Variants in PALS2 observed in about 807,000 individuals in gnomAD.
PALS2 encodes protein PALS2.
A neutral mutation model predicts 61.6 loss-of-function variants in PALS2; 27 were observed. The observed-to-expected ratio is 0.44, with a 90% confidence interval of 0.32 to 0.60. The LOEUF (loss-of-function observed/expected upper bound fraction) is 0.60, where lower values mean the gene tolerates loss of function less well. Among genes scored for constraint, PALS2 ranks in the 20% least tolerant of loss-of-function variants. The probability of loss-of-function intolerance (pLI) is 0.05; values close to 1 mark genes in which losing one functional copy is unlikely to be tolerated. For missense variants in PALS2, 554 were observed against 639.4 expected, an observed-to-expected ratio of 0.87 and a Z score of 1.44; for synonymous variants, 236 against 218.6, an observed-to-expected ratio of 1.08 and a Z score of -0.70.
chr7:24,655,968 T>C (rs530722929), intron 5 of PALS2, among the ~76,000 whole-genome samples: 4 of 152,196 alleles, frequency 2.6e-5, no homozygotes, highest in African/African-American at 4.8e-5. Context: ...CTTGCTGTTA[T>C]CAAAAATGTG....
rs1313368117 is a variant in PALS2 at position 24,596,525 on chromosome 7, A to G, written c.-3+22932A>G. Reference sequence around the variant, plus strand: ...TATTTCACATTTATGAATGTTTATTAGGTGTGTAAAACATTTTCAAACAAT... The same window carrying G: ...TATTTCACATTTATGAATGTTTATTGGGTGTGTAAAACATTTTCAAACAAT... On this transcript the variant is annotated intron_variant, in intron 1 of 11. Coordinates refer to ENST00000222644, the MANE Select transcript of PALS2 (RefSeq NM_001303037.2). The surrounding 1 kb of genome is among the most constrained non-coding windows in gnomAD (Gnocchi z 4.5). Among the ~76,000 whole-genome samples, 2 of 152,204 alleles carry G rather than the reference A, an allele frequency of 1.3e-5. No individual in the cohort carries two copies. The highest frequency in any genetic ancestry group is 6.6e-5 in the Admixed American group (1 of 15,254).
intron 1 of PALS2, chr7:24,597,279 ATGAAAACC>A (rs937334322): frequency 6.6e-5 from 10 of 152,196 alleles, no homozygotes; most frequent in African/African-American, 2.4e-4. Context: ...CAAGAAAAGA[ATGAAAACC>A]TGAGAGATAG....
At chr7:24,650,050 A>G (rs1786059770) in intron 4 of PALS2, among the ~76,000 whole-genome samples, 1 of 152,154 alleles carries the variant, frequency 6.6e-6, no homozygotes, top group South Asian at 2.1e-4. Context: ...GAAGACATGA[A>G]CTACCCTTTG....
At chr7:24,627,559 A>G (rs888111415) in intron 2 of PALS2, among the ~76,000 whole-genome samples, 3 of 152,034 alleles carry the variant, frequency 2.0e-5, no homozygotes, top group Admixed American at 6.6e-5. Flanking sequence ...CTTCAAAAAA[A>G]CAATCATTGA....
intron 3 of PALS2, among the ~76,000 whole-genome samples, chr7:24,649,278 C>T (rs1436980575): frequency 6.6e-6 from 1 of 151,972 alleles, no homozygotes; most frequent in Non-Finnish European, 1.5e-5. Context: ...GATATGATGA[C>T]AGTGGTGGCA....
At chr7:24,669,446 G>A (rs2057994) in intron 9 of PALS2, among the ~76,000 whole-genome samples, 10,518 of 152,166 alleles carry the variant, frequency 0.069, 449 homozygotes, top group African/African-American at 0.11. Flanking sequence ...GAAATACGTG[G>A]ATCTTTACTT....
In PALS2 at chr7:24,687,736, G is replaced by A. The variant is rs144380125; in HGVS notation, c.*122G>A. 4.8e-3 allele frequency: 4,657 copies of A among 970,674 alleles called. 16 individuals carry two copies. Among genetic ancestry groups the A allele is most frequent in the Middle Eastern group, 0.031 (95 of 3,052 alleles). The allele number at this position is 970,674 out of a possible 1,614,324, so 60.1% of individuals were successfully genotyped here. A position where few individuals can be genotyped will look rare whatever the true frequency, so the allele number is the denominator to read the frequency against. ...TCTGCTAAGTCCAGGCATTTTTATG[G>A]TGTAGATTGAAATAATAGTACACTT... is the stretch of plus-strand genomic sequence containing the variant. On this transcript the variant is annotated 3_prime_UTR_variant, in exon 12 of 12. Transcript: ENST00000222644. The surrounding 1 kb of genome is among the most constrained non-coding windows in gnomAD (Gnocchi z 4.5).
At position 24,652,866 on chromosome 7, in the gene PALS2, G is replaced by A. The variant is rs75351394; in HGVS notation, c.651+2154G>A. Among the ~76,000 whole-genome samples the A allele has an allele frequency of 5.3e-3, 801 of 152,258 alleles. 12 individuals carry two copies. The highest frequency in any genetic ancestry group is 0.018 in the African/African-American group (762 of 41,544). On this transcript the variant is annotated intron_variant, in intron 5 of 11. Transcript: ENST00000222644. ...TCAGTAGATGATCTTTATCAGAATC[G>A]TTTCAGGTGCTTGGTAAAAGTCCAG... is the stretch of plus-strand genomic sequence containing the variant.
intron 1 of PALS2, among the ~76,000 whole-genome samples, chr7:24,617,275 A>G (rs1044013541): frequency 4.6e-5 from 7 of 150,576 alleles, no homozygotes; most frequent in African/African-American, 1.5e-4. Flanking sequence ...CATTCAAACA[A>G]TGAATCATTT....
At chr7:24,595,175 T>C (rs1189817094) in intron 1 of PALS2, among the ~76,000 whole-genome samples, 1 of 151,808 alleles carries the variant, frequency 6.6e-6, no homozygotes, top group Non-Finnish European at 1.5e-5. Context: ...TCAAAAGTTC[T>C]TCGTGACAGA....
intron 1 of PALS2, among the ~76,000 whole-genome samples, chr7:24,604,218 A>AG (rs779808349): frequency 2.4e-3 from 310 of 130,990 alleles, no homozygotes; most frequent in Non-Finnish European, 3.5e-3. Flanking sequence ...TTTCAAGAAA[A>AG]GAAAAAAAAA....
intron 3 of PALS2, among the ~76,000 whole-genome samples, chr7:24,644,102 T>C (rs1053791862): frequency 1.3e-5 from 2 of 151,598 alleles, no homozygotes; most frequent in Non-Finnish European, 1.5e-5. Flanking sequence ...TTTCTTTTTT[T>C]TTTTTTTTTA....
intron 2 of PALS2, among the ~76,000 whole-genome samples, chr7:24,634,506 A>G (rs921871566): frequency 9.9e-5 from 15 of 152,224 alleles, no homozygotes; most frequent in African/African-American, 3.6e-4. Flanking sequence ...CTGGGATTAC[A>G]GTCGTGAGCC....
At chr7:24,685,913 T>C (rs1367646986) in intron 11 of PALS2, among the ~76,000 whole-genome samples, 1 of 152,184 alleles carries the variant, frequency 6.6e-6, no homozygotes, top group Non-Finnish European at 1.5e-5. Context: ...ATTGTTATGC[T>C]AATGATTTAT....
At chr7:24,584,788 A>G (rs7455506) in intron 1 of PALS2, among the ~76,000 whole-genome samples, 31,757 of 150,266 alleles carry the variant, frequency 0.21, 4,857 homozygotes, top group East Asian at 0.66. Context: ...GGGTTTTTAT[A>G]GTTTTAGGTC....
intron 1 of PALS2, among the ~76,000 whole-genome samples, chr7:24,587,107 G>C (rs1220496020): frequency 6.6e-6 from 1 of 151,154 alleles, no homozygotes; most frequent in Non-Finnish European, 1.5e-5. Flanking sequence ...TGAGCAAGTT[G>C]TTCTCATATT....
At position 24,639,717 on chromosome 7, in the gene PALS2, G is replaced by C. The variant is rs137982916; in HGVS notation, c.118-1999G>C. Among the ~76,000 whole-genome samples the C allele has an allele frequency of 2.6e-3, 374 of 146,404 alleles. 2 individuals are homozygous for C. Among genetic ancestry groups the C allele is most frequent in the African/African-American group, 9.0e-3 (358 of 39,664 alleles). On this transcript the variant is annotated intron_variant, in intron 2 of 11. Transcript: ENST00000222644. ...GTGATAGTCTTTTATGATAAATATTGAGTGTCCTCATCTTCTCATCCTTAT... is the reference window on the plus strand; with the variant it reads ...GTGATAGTCTTTTATGATAAATATTCAGTGTCCTCATCTTCTCATCCTTAT...
At position 24,596,744 on chromosome 7, in the gene PALS2, C is replaced by T. The variant is rs957169825; in HGVS notation, c.-3+23151C>T. Reference sequence around the variant, plus strand: ...GACTCTCCGTATATCTAGCTTTCTCCTGTGTGAGCACTACACTTTAACAAG... The same window carrying T: ...GACTCTCCGTATATCTAGCTTTCTCTTGTGTGAGCACTACACTTTAACAAG... On this transcript the variant is annotated intron_variant, in intron 1 of 11. Coordinates refer to ENST00000222644, the MANE Select transcript of PALS2 (RefSeq NM_001303037.2). The surrounding 1 kb of genome is among the most constrained non-coding windows in gnomAD (Gnocchi z 4.5). Among the ~76,000 whole-genome samples, 2 of 152,182 alleles carry T rather than the reference C, an allele frequency of 1.3e-5. No homozygotes were observed. The highest frequency in any genetic ancestry group is 2.9e-5 in the Non-Finnish European group (2 of 68,024).
chr7:24,691,442 T>A lies in PALS2; in HGVS notation c.*3828T>A. 7.1e-6 allele frequency: 1 copy of A among 140,032 alleles called. No individual in the cohort carries two copies. Among genetic ancestry groups the A allele is most frequent in the South Asian group, 2.2e-4 (1 of 4,448 alleles). The allele number at this position is 140,032 out of a possible 1,614,324, so 8.7% of individuals were successfully genotyped here. A position where few individuals can be genotyped will look rare whatever the true frequency, so the allele number is the denominator to read the frequency against. On this transcript the variant is annotated 3_prime_UTR_variant, in exon 12 of 12. Transcript: ENST00000222644. ...ATATATATATATATATATATATATA[T>A]ATACAGCTATGTGTATAATATGTAA... is the stretch of plus-strand genomic sequence containing the variant.
Sources: allele counts gnomAD v4.1 joint callset (sites outside exome capture counted in the v4.1 genomes callset), GRCh38; gene constraint gnomAD v4.1.1; non-coding constraint Gnocchi (gnomAD v3.1); transcripts MANE v1.5; gene names NCBI Gene and HGNC (gene_info 2026-07-23, HGNC 2026-07-21).